The following CDC5L variants were observed in gnomAD, a reference collection of about 807,000 sequenced individuals.
The protein encoded by CDC5L is cell division cycle 5 like, also known as cell division cycle 5-like protein.
CDC5L carries 18 observed loss-of-function variants against 104.1 expected under a neutral mutation model. The ratio of observed to expected loss-of-function variants is 0.17; its 90% CI spans 0.12 to 0.26. The LOEUF (loss-of-function observed/expected upper bound fraction) is 0.26. Among genes scored for constraint, CDC5L ranks in the 10% least tolerant of loss-of-function variants. The pLI is 1.00. For synonymous variants in CDC5L, 331 were observed against 322.7 expected, an observed-to-expected ratio of 1.03 and a Z score of -0.28; for missense variants, 673 against 956.9, an observed-to-expected ratio of 0.70 and a Z score of 3.91.
intron 8 of CDC5L, among the ~76,000 whole-genome samples, chr6:44,408,846 A>G (rs1367237909): frequency 6.6e-6 from 1 of 152,152 alleles, no homozygotes; most frequent in Non-Finnish European, 1.5e-5. Flanking sequence ...TAAAATTCGT[A>G]ATTTTTTGAA....
chr6:44,447,798 C>T lies in CDC5L; in HGVS notation c.*1087C>T, dbSNP rs536313906. 2.0e-5 allele frequency: 3 copies of T among 152,136 alleles called. No individual in the cohort carries two copies. The highest frequency in any genetic ancestry group is 2.9e-5 in the Non-Finnish European group (2 of 68,022). The allele number at this position is 152,136 out of a possible 1,614,324, so 9.4% of individuals were successfully genotyped here. A position where few individuals can be genotyped will look rare whatever the true frequency, so the allele number is the denominator to read the frequency against. ...AAATCCAAATGTTTATTTGGTGATT[C>T]TTATGTGTCAGACACTTAAGTGTTG... On this transcript the variant is annotated 3_prime_UTR_variant, in exon 16 of 16. Transcript: ENST00000371477.
In CDC5L at chr6:44,429,831, T is replaced by G. The variant is rs374330428; in HGVS notation, c.2012T>G (p.Leu671Arg). ...WEECYSQVLY[L>R]PGQSRYTRAN... ...GAATGCTACAGTCAAGTTTTATATC[T>G]TCCTGGGCAGAGCCGCTACACACGG... Residue 671 changes from leucine to arginine, a missense_variant, in exon 14 of 16, where the codon CTT (leucine) becomes CGT (arginine). Leu to Arg is a moderately radical substitution (Grantham distance 102). Around this residue, in one of 4 missense-constraint regions of CDC5L, gnomAD observed 578 missense variants for 737.0 expected, o/e 0.78. Coordinates refer to ENST00000371477, the MANE Select transcript of CDC5L (RefSeq NM_001253.4). The G allele has an allele frequency of 3.7e-6, 6 of 1,614,006 alleles. No homozygotes were observed. The highest frequency in any genetic ancestry group is 4.2e-6 in the Non-Finnish European group (5 of 1,179,994).
intron 4 of CDC5L, among the ~76,000 whole-genome samples, chr6:44,394,927 A>T (rs1790799758): frequency 6.7e-6 from 1 of 149,308 alleles, no homozygotes; most frequent in South Asian, 2.1e-4. Flanking sequence ...CACGAATACT[A>T]TTTGGTCATA....
Position 44,419,613 on chromosome 6 carries a change from A to G in CDC5L, c.1241+16A>G. The G allele has an allele frequency of 6.2e-7, 1 of 1,602,730 alleles. No individual in the cohort carries two copies. Among genetic ancestry groups the G allele is most frequent in the Non-Finnish European group, 8.5e-7 (1 of 1,170,912 alleles). On this transcript the variant is annotated intron_variant, in intron 9 of 15. Transcript: ENST00000371477. Reference sequence around the variant, plus strand: ...CTCCATTCAGGTATTGTAAATGAACACGTTTTTATTTTAGAAAAACTTGAA... The same window carrying G: ...CTCCATTCAGGTATTGTAAATGAACGCGTTTTTATTTTAGAAAAACTTGAA...
At chr6:44,399,097 T>A (rs1309191939) in intron 5 of CDC5L, among the ~76,000 whole-genome samples, 3 of 152,240 alleles carry the variant, frequency 2.0e-5, no homozygotes, top group Non-Finnish European at 4.4e-5. Flanking sequence ...GATCTACAGA[T>A]GCACACCACC....
rs763717273 is a variant in CDC5L at position 44,446,752 on chromosome 6, G to T, written c.*41G>T. ...CTGTCACAGGATTAATTAATTGCCG[G>T]TTTTCATACTCTAGAAGGCTGAAAC... On this transcript the variant is annotated 3_prime_UTR_variant, in exon 16 of 16. Coordinates refer to ENST00000371477, the MANE Select transcript of CDC5L (RefSeq NM_001253.4). 1.1e-5 allele frequency: 11 copies of T among 981,822 alleles called. No individual in the cohort carries two copies. Among genetic ancestry groups the T allele is most frequent in the Non-Finnish European group, 1.7e-5 (11 of 638,974 alleles). The allele number at this position is 981,822 out of a possible 1,614,324, so 60.8% of individuals were successfully genotyped here. A position where few individuals can be genotyped will look rare whatever the true frequency, so the allele number is the denominator to read the frequency against.
chr6:44,443,032 CTCTT>C (rs1793277002), intron 14 of CDC5L, among the ~76,000 whole-genome samples: 1 of 151,524 alleles, frequency 6.6e-6, no homozygotes, highest in Non-Finnish European at 1.5e-5. Flanking sequence ...TCTCTTTCTT[CTCTT>C]TCTTTTTCTT....
At chr6:44,424,355 C>T (rs182049038) in intron 10 of CDC5L, 64 bp from the exon 11 acceptor site, 3 of 1,424,140 alleles carry the variant, frequency 2.1e-6, no homozygotes, top group Non-Finnish European at 2.9e-6. Flanking sequence ...TTTTAAGAGA[C>T]TCATAAAATA....
At chr6:44,423,709 C>T (rs929726914) in intron 10 of CDC5L, among the ~76,000 whole-genome samples, 29 of 152,152 alleles carry the variant, frequency 1.9e-4, no homozygotes, top group African/African-American at 7.0e-4. Flanking sequence ...TGGGAAAACT[C>T]TGGGTACCAG....
intron 8 of CDC5L, among the ~76,000 whole-genome samples, chr6:44,418,335 T>G (rs937413407): frequency 2.0e-5 from 3 of 152,248 alleles, no homozygotes; most frequent in Non-Finnish European, 4.4e-5. Flanking sequence ...CTCATCATTT[T>G]TTATGGCTGC....
At chr6:44,390,507 G>C (rs1393621270) in intron 2 of CDC5L, 136 bp downstream of exon 2, 3 of 634,326 alleles carry the variant, frequency 4.7e-6, no homozygotes, top group Non-Finnish European at 5.3e-6. Context: ...TGGAAGTTGG[G>C]TGTTTGACTT....
chr6:44,420,060 C>T (rs1190422259), intron 9 of CDC5L, among the ~76,000 whole-genome samples: 6 of 151,922 alleles, frequency 3.9e-5, no homozygotes, highest in Admixed American at 1.3e-4. Flanking sequence ...TTATGTAATC[C>T]TTTTATGTAT....
chr6:44,398,691 G>T (rs557441439), intron 5 of CDC5L, among the ~76,000 whole-genome samples: 9 of 152,240 alleles, frequency 5.9e-5, no homozygotes, highest in African/African-American at 1.9e-4. Context: ...ATATGGCTTG[G>T]TTATATTCAT....
At chr6:44,388,075 G>A (rs1280539818) in intron 1 of CDC5L, among the ~76,000 whole-genome samples, 2 of 151,702 alleles carry the variant, frequency 1.3e-5, no homozygotes, top group Non-Finnish European at 2.9e-5. Context: ...TCACCACCTG[G>A]CTACTCGGCT....
intron 4 of CDC5L, among the ~76,000 whole-genome samples, chr6:44,393,782 A>G (rs1430483988): frequency 6.6e-6 from 1 of 151,838 alleles, no homozygotes; most frequent in Non-Finnish European, 1.5e-5. Context: ...CTCCCATCTC[A>G]GCCTCCTGAG....
At chr6:44,396,296 A>C (rs1561967814) in intron 4 of CDC5L, 45 bp from the exon 5 acceptor site, 17 of 1,320,926 alleles carry the variant, frequency 1.3e-5, no homozygotes, top group Non-Finnish European at 1.7e-5. Context: ...TAGAGTATGT[A>C]AGAACTAAGA....
intron 14 of CDC5L, among the ~76,000 whole-genome samples, chr6:44,432,549 A>G (rs1241484618): frequency 1.3e-5 from 2 of 152,186 alleles, no homozygotes; most frequent in African/African-American, 2.4e-5. Flanking sequence ...TGAGGTTTAT[A>G]TTGGAGGTAG....
chr6:44,392,718 A>T lies in CDC5L; in HGVS notation c.201A>T (p.Glu67Asp). 4.3e-6 allele frequency: 7 copies of T among 1,614,142 alleles called. No homozygotes were observed. Among genetic ancestry groups the T allele is most frequent in the Non-Finnish European group, 5.9e-6 (7 of 1,180,000 alleles). ...SIKKTEWSRE[E>D]EEKLLHLAKL... Reference sequence around the variant, plus strand: ...AGAAGACAGAATGGTCCAGAGAAGAAGAGGAAAAACTCTTGCACTTGGCCA... The same window carrying T: ...AGAAGACAGAATGGTCCAGAGAAGATGAGGAAAAACTCTTGCACTTGGCCA... Residue 67 changes from glutamate (E) to aspartate (D), a missense_variant, in exon 3 of 16, where the codon GAA becomes GAT. By Grantham distance (45) the Glu-to-Asp change is conservative. Transcript: ENST00000371477.
rs182340175 is a variant in CDC5L at position 44,439,605 on chromosome 6, T to C, written c.2092-6050T>C. On this transcript the variant is annotated intron_variant, in intron 14 of 15. Coordinates refer to ENST00000371477, the MANE Select transcript of CDC5L (RefSeq NM_001253.4). ...CCAGGAAAGGGTCCACATAGACTTA[T>C]ATTGAAGTTGGAATTTTAATGAAGC... Among the ~76,000 whole-genome samples the C allele has an allele frequency of 5.9e-5, 9 of 152,338 alleles. No individual in the cohort carries two copies. In the East Asian group the frequency reaches 1.2e-3, roughly 20 times the overall value.
Sources: gnomAD v4.1 joint callset for allele counts (sites outside exome capture counted in the v4.1 genomes callset) on GRCh38, gnomAD v4.1.1 for gene constraint, gnomAD v4.1.1 regional missense constraint, MANE v1.5 for transcripts, NCBI Gene and HGNC (gene_info 2026-07-23, HGNC 2026-07-21) for gene names.